DPF3: variants seen among roughly 807,000 people sequenced by gnomAD.
DPF3 encodes zinc finger protein DPF3.
A neutral mutation model predicts 56.8 loss-of-function variants in DPF3; 18 were observed. The ratio of observed to expected loss-of-function variants is 0.32; its 90% CI spans 0.22 to 0.47. The LOEUF (loss-of-function observed/expected upper bound fraction) is 0.47, where lower values mean the gene tolerates loss of function less well. DPF3 is among the 20% of genes least tolerant of loss of function. DPF3 has a pLI of 1.00. For synonymous variants in DPF3, 188 were observed against 180.2 expected (o/e 1.04, Z -0.35); for missense variants, 403 against 488.8 (o/e 0.82, Z 1.65).
chr14:72,799,218 G>T (rs1484533524), intron 1 of DPF3, among the ~76,000 whole-genome samples: 3 of 152,106 alleles, frequency 2.0e-5, no homozygotes, highest in Admixed American at 2.0e-4. Flanking sequence ...GTGGACATAG[G>T]TTGTCTGCCT....
At chr14:72,836,957 C>T (rs2140061183) in intron 1 of DPF3, among the ~76,000 whole-genome samples, 1 of 152,200 alleles carries the variant, frequency 6.6e-6, no homozygotes, top group East Asian at 1.9e-4. Context: ...GCAACCTCCA[C>T]CTCCCAGGTT....
chr14:72,856,497 C>T (rs1185212322), intron 1 of DPF3, among the ~76,000 whole-genome samples: 1 of 152,078 alleles, frequency 6.6e-6, no homozygotes, highest in African/African-American at 2.4e-5. Context: ...CTGTGAAGGT[C>T]CCCCAAACCC....
intron 1 of DPF3, among the ~76,000 whole-genome samples, chr14:72,869,863 T>A (rs1380116436): frequency 2.0e-5 from 3 of 152,176 alleles, no homozygotes; most frequent in Admixed American, 1.3e-4. Context: ...ATACCCATGT[T>A]ATCTTTGAGC....
chr14:72,751,145 C>G (rs1377319229), intron 3 of DPF3, among the ~76,000 whole-genome samples: 1 of 152,104 alleles, frequency 6.6e-6, no homozygotes, highest in East Asian at 1.9e-4. Context: ...GAGCTCATTG[C>G]AACTACTGCA....
Position 72,614,832 on chromosome 14 carries a change from C to A in DPF3, c.*4465G>T, listed in dbSNP as rs1037247384. Among the ~76,000 whole-genome samples, 3 of 149,182 alleles carry A rather than the reference C, an allele frequency of 2.0e-5. No homozygotes were observed. The highest frequency in any genetic ancestry group is 7.4e-5 in the African/African-American group (3 of 40,568). ...CACTCCCACCTGCTGCCCTCCAGCTCCTTAGCTCGAGGATTTCTCCCTGAG... is the reference window on the plus strand; with the variant it reads ...CACTCCCACCTGCTGCCCTCCAGCTACTTAGCTCGAGGATTTCTCCCTGAG... On this transcript the variant is annotated 3_prime_UTR_variant, in exon 11 of 11. Transcript: ENST00000556509.
chr14:72,652,194 C>T (rs1411805159), intron 8 of DPF3, among the ~76,000 whole-genome samples: 2 of 152,284 alleles, frequency 1.3e-5, no homozygotes, highest in South Asian at 2.1e-4. Context: ...AAAGCCGGCA[C>T]CACCTGCTCC....
intron 8 of DPF3, among the ~76,000 whole-genome samples, chr14:72,640,362 T>A (rs1378245731): frequency 6.6e-6 from 1 of 152,278 alleles, no homozygotes; most frequent in East Asian, 1.9e-4. Flanking sequence ...AGAAGGCAGA[T>A]GTGTTGGAGA....
At chr14:72,751,434 T>C (rs1306974384) in intron 3 of DPF3, among the ~76,000 whole-genome samples, 2 of 152,190 alleles carry the variant, frequency 1.3e-5, no homozygotes, top group Non-Finnish European at 2.9e-5. Context: ...CAGGTTCTGA[T>C]GCAGCAGGTC....
chr14:72,726,204 A>T (rs937891544), intron 4 of DPF3, among the ~76,000 whole-genome samples: 1 of 152,260 alleles, frequency 6.6e-6, no homozygotes, highest in African/African-American at 2.4e-5. Context: ...TCGTAGAACC[A>T]TCTTGCAAAC....
chr14:72,808,032 C>T lies in DPF3; in HGVS notation c.33-36139G>A, dbSNP rs1470673256. On this transcript the variant is annotated intron_variant, in intron 1 of 10. Coordinates refer to ENST00000556509, the MANE Select transcript of DPF3 (RefSeq NM_001280542.3). ...ATGCCCTCCCTCCCTCCCTGAGGGT[C>T]ACCCCCAGCCTGACCTGATGGATGG... 1.6e-4 allele frequency among the ~76,000 whole-genome samples: 25 copies of T among 152,126 alleles called. 1 individual carries two copies. The highest frequency in any genetic ancestry group is 1.0e-3 in the South Asian group (5 of 4,816).
Position 72,673,955 on chromosome 14 carries a change from G to T in DPF3, c.871+285C>A, listed in dbSNP as rs575993006. On this transcript the variant is annotated intron_variant, in intron 8 of 10. Coordinates refer to ENST00000556509, the MANE Select transcript of DPF3 (RefSeq NM_001280542.3). The stretch of plus-strand genomic sequence containing the variant: ...TCTCCAGGTTTTTCCACTCTACCTC[G>T]CTGTGGTCCGTAAAAACACGCACAA... The T allele has an allele frequency of 6.0e-4, 220 of 365,194 alleles. 1 individual carries two copies. Among genetic ancestry groups the T allele is most frequent in the Non-Finnish European group, 8.3e-4 (168 of 202,202 alleles). The allele number at this position is 365,194 out of a possible 1,614,324, so 22.6% of individuals were successfully genotyped here. A position where few individuals can be genotyped will look rare whatever the true frequency, so the allele number is the denominator to read the frequency against.
At chr14:72,741,562 C>T (rs893972319) in intron 3 of DPF3, among the ~76,000 whole-genome samples, 3 of 152,262 alleles carry the variant, frequency 2.0e-5, no homozygotes, top group African/African-American at 7.2e-5. Flanking sequence ...CCCCAGGCCT[C>T]TCCTCTCTGG....
intron 8 of DPF3, among the ~76,000 whole-genome samples, chr14:72,640,563 G>A (rs565658741): frequency 3.8e-4 from 58 of 152,294 alleles, no homozygotes; most frequent in Non-Finnish European, 7.4e-4. Context: ...GATGAAAGGA[G>A]GAAACATTTG....
At chr14:72,873,934 G>A (rs1479088792) in intron 1 of DPF3, among the ~76,000 whole-genome samples, 4 of 149,388 alleles carry the variant, frequency 2.7e-5, no homozygotes, top group African/African-American at 7.4e-5. Flanking sequence ...GGGGTGGGGG[G>A]AAGGGGAGGG....
chr14:72,771,939 A>G (rs1254920752), intron 1 of DPF3, 46 bp from the exon 2 acceptor site: 5 of 1,415,560 alleles, frequency 3.5e-6, no homozygotes, highest in Non-Finnish European at 4.6e-6. Context: ...GAAGACTGAA[A>G]CACACCCAGA....
intron 1 of DPF3, among the ~76,000 whole-genome samples, chr14:72,869,000 T>C (rs1186665107): frequency 1.2e-4 from 19 of 152,112 alleles, no homozygotes. Context: ...TACACAGCCC[T>C]CAAACTTCTC....
chr14:72,762,900 A>T (rs77043394), intron 2 of DPF3, among the ~76,000 whole-genome samples: 1,841 of 152,094 alleles, frequency 0.012, 36 homozygotes, highest in African/African-American at 0.043. Flanking sequence ...ATTAGAACTA[A>T]TGAGTTTAGC....
At chr14:72,805,020 CT>C (rs1882689128) in intron 1 of DPF3, among the ~76,000 whole-genome samples, 1 of 110,162 alleles carries the variant, frequency 9.1e-6, no homozygotes, top group African/African-American at 3.3e-5. Context: ...CAGCTTCCTA[CT>C]GTGTAAAACG....
chr14:72,762,995 T>C (rs1891125067), intron 2 of DPF3, among the ~76,000 whole-genome samples: 1 of 151,888 alleles, frequency 6.6e-6, no homozygotes, highest in Non-Finnish European at 1.5e-5. Flanking sequence ...TGTATAAAAA[T>C]TTATTTATAA....
Sources: allele counts gnomAD v4.1 joint callset (sites outside exome capture counted in the v4.1 genomes callset), GRCh38; gene constraint gnomAD v4.1.1; transcripts MANE v1.5; gene names NCBI Gene and HGNC (gene_info 2026-07-23, HGNC 2026-07-21).